Variants in KCNB2 observed in about 807,000 individuals in gnomAD.
The protein encoded by KCNB2 is potassium voltage-gated channel subfamily B member 2.
KCNB2 carries 15 observed loss-of-function variants against 61.5 expected under a neutral mutation model. The observed-to-expected ratio is 0.24, with a 90% CI of 0.16 to 0.38. The LOEUF is 0.38. Among genes scored for constraint, KCNB2 ranks in the 10% least tolerant of loss-of-function variants. The pLI, the probability that KCNB2 is intolerant of heterozygous loss-of-function variation, is 1.00. For missense variants in KCNB2, 828 were observed against 1,125.2 expected, an observed-to-expected ratio of 0.74 and a Z score of 3.78; for synonymous variants, 457 against 446.0, an observed-to-expected ratio of 1.02 and a Z score of -0.31.
chr8:72,931,388 C>T (rs188606468), intron 2 of KCNB2, among the ~76,000 whole-genome samples: 1 of 152,222 alleles, frequency 6.6e-6, no homozygotes, highest in East Asian at 1.9e-4. Flanking sequence ...TTACCTTGGG[C>T]AGTATGGCCA....
chr8:72,673,866 G>A (rs1042536224), intron 2 of KCNB2, among the ~76,000 whole-genome samples: 1 of 152,094 alleles, frequency 6.6e-6, no homozygotes, highest in Non-Finnish European at 1.5e-5. Flanking sequence ...GGAGATGGAT[G>A]GTGATCTTGA....
rs1243300800 is a variant in KCNB2 at position 72,542,805 on chromosome 8, A to G, written c.-94+4920A>G. On this transcript the variant is annotated intron_variant, in intron 1 of 2. Coordinates refer to ENST00000523207, the MANE Select transcript of KCNB2 (RefSeq NM_004770.3). The stretch of plus-strand genomic sequence containing the variant: ...TCTACCATGAAATCCAGGGACTGCA[A>G]TCCCTTCAGGGTTCTCATTTGGTAG... Among the ~76,000 whole-genome samples the G allele has an allele frequency of 3.3e-5, 5 of 152,308 alleles. No homozygotes were observed. The South Asian group carries it at 6.2e-4, about 19-fold the overall frequency.
At chr8:72,846,075 G>A (rs1478861879) in intron 2 of KCNB2, among the ~76,000 whole-genome samples, 1 of 152,142 alleles carries the variant, frequency 6.6e-6, no homozygotes, top group Non-Finnish European at 1.5e-5. Context: ...CCTTGGTGGT[G>A]TAGGCACCTG....
At chr8:72,761,996 CTA>C (rs1225885528) in intron 2 of KCNB2, among the ~76,000 whole-genome samples, 2 of 152,104 alleles carry the variant, frequency 1.3e-5, no homozygotes, top group Admixed American at 1.3e-4. Flanking sequence ...TGTTAGAAGT[CTA>C]AAACAAAAAT....
At chr8:72,922,881 G>A (rs1463275018) in intron 2 of KCNB2, among the ~76,000 whole-genome samples, 1 of 152,178 alleles carries the variant, frequency 6.6e-6, no homozygotes, top group Non-Finnish European at 1.5e-5. Context: ...AGCCTCAGGA[G>A]GTCCTGATAA....
At chr8:72,805,511 G>A (rs1031413137) in intron 2 of KCNB2, among the ~76,000 whole-genome samples, 5 of 152,180 alleles carry the variant, frequency 3.3e-5, no homozygotes, top group Non-Finnish European at 7.3e-5. Context: ...CTATAAGTCT[G>A]TCTGCATACA....
At chr8:72,627,677 T>C (rs1805811033) in intron 2 of KCNB2, among the ~76,000 whole-genome samples, 1 of 152,212 alleles carries the variant, frequency 6.6e-6, no homozygotes, top group Admixed American at 6.5e-5. Context: ...ATCTGCCAGC[T>C]ACCTCTGCTC....
At chr8:72,823,372 C>G (rs573935186) in intron 2 of KCNB2, among the ~76,000 whole-genome samples, 1 of 152,236 alleles carries the variant, frequency 6.6e-6, no homozygotes, top group East Asian at 1.9e-4. Context: ...CAAATCCAGC[C>G]TGGGGAAGCA....
At chr8:72,713,181 G>T (rs1184817973) in intron 2 of KCNB2, among the ~76,000 whole-genome samples, 1 of 152,252 alleles carries the variant, frequency 6.6e-6, no homozygotes, top group Non-Finnish European at 1.5e-5. Context: ...ACTGGGTGGG[G>T]CCCACCAAAG....
intron 2 of KCNB2, among the ~76,000 whole-genome samples, chr8:72,623,205 A>G (rs1805737638): frequency 6.6e-6 from 1 of 152,180 alleles, no homozygotes; most frequent in Non-Finnish European, 1.5e-5. Flanking sequence ...ATTGGGTGAA[A>G]GTTATCCCCA....
At chr8:72,596,245 G>T (rs146725612) in intron 2 of KCNB2, among the ~76,000 whole-genome samples, 23 of 152,230 alleles carry the variant, frequency 1.5e-4, no homozygotes, top group Admixed American at 1.4e-3. Context: ...TTGCAGTAAG[G>T]TACTCTGATG....
At chr8:72,716,210 C>A (rs1807437019) in intron 2 of KCNB2, among the ~76,000 whole-genome samples, 1 of 152,094 alleles carries the variant, frequency 6.6e-6, no homozygotes. Context: ...CAGATGGATT[C>A]ACAGCCGAAT....
intron 2 of KCNB2, among the ~76,000 whole-genome samples, chr8:72,790,648 G>A (rs1209034286): frequency 3.3e-5 from 5 of 152,128 alleles, no homozygotes; most frequent in East Asian, 1.9e-4. Flanking sequence ...CAGAGAGAAC[G>A]GGTGGTTTTT....
Position 72,567,959 on chromosome 8 carries a change from AGT to A in KCNB2, c.229_230del (p.Cys77ArgfsTer4). On this transcript the variant is annotated frameshift_variant, in exon 2 of 3. Coordinates refer to ENST00000523207, the MANE Select transcript of KCNB2 (RefSeq NM_004770.3). LOFTEE classifies it high-confidence loss of function. ...DCNTHESLLE[V>X]CDDYNLNENE... is the part of the protein sequence containing the mutation. Reference sequence around the variant, plus strand: ...GCAACACACACGAGAGCCTCCTGGAAGTGTGCGACGACTATAATCTGAACGAG... The same window carrying A: ...GCAACACACACGAGAGCCTCCTGGAAGTGCGACGACTATAATCTGAACGAG... 6.2e-7 allele frequency: 1 copy of A among 1,614,046 alleles called. No homozygotes were observed. The highest frequency in any genetic ancestry group is 8.5e-7 in the Non-Finnish European group (1 of 1,179,964).
chr8:72,544,427 A>G (rs1272854026), intron 1 of KCNB2, among the ~76,000 whole-genome samples: 2 of 152,184 alleles, frequency 1.3e-5, no homozygotes, highest in Non-Finnish European at 2.9e-5. Context: ...TTTGGCAACA[A>G]TCTCTGAGCT....
chr8:72,893,696 A>T (rs1805938668), intron 2 of KCNB2, among the ~76,000 whole-genome samples: 1 of 152,220 alleles, frequency 6.6e-6, no homozygotes, highest in South Asian at 2.1e-4. Context: ...TAGTATCTAT[A>T]CACACCAAAA....
chr8:72,831,548 G>A lies in KCNB2; in HGVS notation c.580-104387G>A, dbSNP rs189737642. On this transcript the variant is annotated intron_variant, in intron 2 of 2. Coordinates refer to ENST00000523207, the MANE Select transcript of KCNB2 (RefSeq NM_004770.3). ...TGGGTGTGATTCAAACAGTGGACAC[G>A]GAACATAAATTGGCAGACATACATG... Among the ~76,000 whole-genome samples the A allele has an allele frequency of 2.5e-3, 377 of 152,270 alleles. 1 individual carries two copies. Among genetic ancestry groups the A allele is most frequent in the African/African-American group, 7.7e-3 (321 of 41,550 alleles).
chr8:72,639,051 C>T (rs563557185), intron 2 of KCNB2, among the ~76,000 whole-genome samples: 9 of 152,184 alleles, frequency 5.9e-5, no homozygotes, highest in Non-Finnish European at 1.2e-4. Context: ...CCTCCTTCTA[C>T]CTCCAGTGAT....
intron 2 of KCNB2, among the ~76,000 whole-genome samples, chr8:72,629,315 T>G (rs190004533): frequency 6.6e-6 from 1 of 152,290 alleles, no homozygotes; most frequent in East Asian, 1.9e-4. Flanking sequence ...TAATCCCAAC[T>G]CCGCTTCCAT....
Sources: gnomAD v4.1 joint callset for allele counts (sites outside exome capture counted in the v4.1 genomes callset) on GRCh38, gnomAD v4.1.1 for gene constraint, MANE v1.5 for transcripts, NCBI Gene and HGNC (gene_info 2026-07-23, HGNC 2026-07-21) for gene names.